Variants in MACROD1 observed in about 807,000 individuals in gnomAD.
The protein encoded by MACROD1 is mono-ADP ribosylhydrolase 1.
MACROD1 carries 31 observed loss-of-function variants against 41.4 expected under a neutral mutation model. The ratio of observed to expected loss-of-function variants is 0.75; its 90% CI spans 0.56 to 1.01. The LOEUF (loss-of-function observed/expected upper bound fraction) is 1.01, where lower values mean the gene tolerates loss of function less well. Ranked by LOEUF, MACROD1 falls within the 50% of genes least tolerant of loss-of-function variation. MACROD1 has a pLI of 0.00. For synonymous variants in MACROD1, 252 were observed against 203.4 expected (o/e 1.24, Z -2.03); for missense variants, 473 against 460.0 (o/e 1.03, Z -0.26).
At chr11:64,116,994 A>G (rs1590932752) in intron 3 of MACROD1, 2 of 1,612,162 alleles carry the variant, frequency 1.2e-6, no homozygotes, top group African/African-American at 2.7e-5. Flanking sequence ...CGCCGACGAC[A>G]CCTTCAGCCG....
chr11:64,164,570 T>A (rs1268003226), intron 1 of MACROD1, among the ~76,000 whole-genome samples: 1 of 152,234 alleles, frequency 6.6e-6, no homozygotes, highest in South Asian at 2.1e-4. Context: ...CTCCATCTGC[T>A]CACGGGCTAA....
At chr11:64,017,699 T>C (rs1384025459) in intron 3 of MACROD1, among the ~76,000 whole-genome samples, 1 of 151,726 alleles carries the variant, frequency 6.6e-6, no homozygotes, top group East Asian at 2.0e-4. Context: ...GGAGGGGGCA[T>C]CTCAGGTCTC....
intron 3 of MACROD1, among the ~76,000 whole-genome samples, chr11:64,112,445 C>T (rs992056949): frequency 6.6e-6 from 1 of 152,098 alleles, no homozygotes; most frequent in African/African-American, 2.4e-5. Context: ...ACCTGGGAGG[C>T]GGAGGTTGTA....
intron 3 of MACROD1, among the ~76,000 whole-genome samples, chr11:64,091,786 GCCCTCCTGA>G (rs1286725670): frequency 6.6e-6 from 1 of 152,178 alleles, no homozygotes; most frequent in Non-Finnish European, 1.5e-5. Flanking sequence ...TCCCACAACA[GCCCTCCTGA>G]CAGTGGGCCA....
intron 3 of MACROD1, among the ~76,000 whole-genome samples, chr11:64,088,704 C>G (rs1423335883): frequency 1.3e-5 from 2 of 152,152 alleles, no homozygotes. Flanking sequence ...GCTGCCCTGT[C>G]TATGAAATGG....
At chr11:64,042,550 T>C (rs779892235) in intron 3 of MACROD1, among the ~76,000 whole-genome samples, 23 of 152,086 alleles carry the variant, frequency 1.5e-4, no homozygotes, top group Non-Finnish European at 3.2e-4. Context: ...AGGCTCTGGG[T>C]AGGGCCACCC....
intron 3 of MACROD1, among the ~76,000 whole-genome samples, chr11:64,041,225 A>C (rs1281322293): frequency 1.3e-5 from 2 of 150,034 alleles, no homozygotes; most frequent in Non-Finnish European, 3.0e-5. Context: ...AAAAAAAAAA[A>C]AAAAGCATGA....
chr11:64,081,358 G>T (rs78738526), intron 3 of MACROD1, among the ~76,000 whole-genome samples: 4,377 of 152,188 alleles, frequency 0.029, 100 homozygotes, highest in South Asian at 0.087. Flanking sequence ...CCATGAACTC[G>T]CATATCCTGA....
In MACROD1 at chr11:64,067,481, A is replaced by G. The variant is rs997078188; in HGVS notation, c.518-52200T>C. The stretch of plus-strand genomic sequence containing the variant: ...ACGCCCAGCTCAGATAACAGAAGGG[A>G]GGAGATAGGTCGGGGACGGGGACAG... On this transcript the variant is annotated intron_variant, in intron 3 of 10. Coordinates refer to ENST00000255681, the MANE Select transcript of MACROD1 (RefSeq NM_014067.4). The surrounding 1 kb of genome is among the most constrained non-coding windows in gnomAD (Gnocchi z 4.6). Among the ~76,000 whole-genome samples, 7 of 151,996 alleles carry G rather than the reference A, an allele frequency of 4.6e-5. No individual in the cohort carries two copies. Among genetic ancestry groups the G allele is most frequent in the Non-Finnish European group, 8.8e-5 (6 of 67,956 alleles).
chr11:64,116,986 CCGA>C (rs1166856480), intron 3 of MACROD1: 5 of 1,612,282 alleles, frequency 3.1e-6, no homozygotes, highest in African/African-American at 1.3e-5. Flanking sequence ...CAGCGCATCG[CCGA>C]CGACACCTTC....
chr11:64,123,609 G>T (rs1026192244), intron 3 of MACROD1, among the ~76,000 whole-genome samples: 3 of 152,060 alleles, frequency 2.0e-5, no homozygotes, highest in Non-Finnish European at 4.4e-5. Flanking sequence ...GGTCTCTGAA[G>T]ACAACACCAA....
At chr11:64,154,403 C>T (rs775196864) in intron 1 of MACROD1, among the ~76,000 whole-genome samples, 8 of 152,140 alleles carry the variant, frequency 5.3e-5, no homozygotes, top group Non-Finnish European at 8.8e-5. Flanking sequence ...TTCCTCTCAC[C>T]CTCCAGGACT....
intron 3 of MACROD1, among the ~76,000 whole-genome samples, chr11:64,085,164 G>C (rs930868564): frequency 5.6e-4 from 85 of 152,198 alleles, no homozygotes; most frequent in African/African-American, 2.0e-3. Flanking sequence ...GGGGCTTGAG[G>C]GCAGAGGGCA....
intron 3 of MACROD1, among the ~76,000 whole-genome samples, chr11:64,072,328 G>A (rs1214830971): frequency 1.3e-5 from 2 of 152,304 alleles, no homozygotes; most frequent in Middle Eastern, 3.4e-3. Context: ...GCACCAGGGC[G>A]AGCCTTTGGG....
intron 3 of MACROD1, among the ~76,000 whole-genome samples, chr11:64,042,306 G>A (rs911536840): frequency 6.6e-6 from 1 of 151,998 alleles, no homozygotes; most frequent in Non-Finnish European, 1.5e-5. Flanking sequence ...GCTGCCACGA[G>A]GAAGGGGCTG....
intron 3 of MACROD1, among the ~76,000 whole-genome samples, chr11:64,070,875 G>A (rs1197828911): frequency 2.0e-5 from 3 of 152,072 alleles, no homozygotes; most frequent in Non-Finnish European, 2.9e-5. Flanking sequence ...AATGAATGGG[G>A]CCCCCCTCTG....
intron 3 of MACROD1, among the ~76,000 whole-genome samples, chr11:64,015,538 C>G (rs963863214): frequency 1.3e-5 from 2 of 152,126 alleles, no homozygotes; most frequent in Admixed American, 6.5e-5. Context: ...CTCACCCGGA[C>G]GCAGACGCAT....
intron 2 of MACROD1, 70 bp downstream of exon 2, chr11:64,152,222 T>A: frequency 1.1e-5 from 15 of 1,347,162 alleles, no homozygotes; most frequent in Non-Finnish European, 1.6e-5. Flanking sequence ...TAGCTCTTCT[T>A]GTCTGCACAA....
intron 3 of MACROD1, among the ~76,000 whole-genome samples, chr11:64,130,862 C>T (rs1945255874): frequency 6.6e-6 from 1 of 152,202 alleles, no homozygotes; most frequent in Non-Finnish European, 1.5e-5. Flanking sequence ...TCCTGCACTC[C>T]CTCCCTCTAA....
Sources: allele counts gnomAD v4.1 joint callset (sites outside exome capture counted in the v4.1 genomes callset), GRCh38; gene constraint gnomAD v4.1.1; non-coding constraint Gnocchi (gnomAD v3.1); transcripts MANE v1.5; gene names NCBI Gene and HGNC (gene_info 2026-07-23, HGNC 2026-07-21).